The following SLIT3 variants were observed in gnomAD, a reference collection of about 807,000 sequenced individuals.
The protein encoded by SLIT3 is slit homolog 3 protein.
A neutral mutation model predicts 184.0 loss-of-function variants in SLIT3; 68 were observed. That is an observed-to-expected ratio of 0.37 (90% CI 0.30 to 0.45). The LOEUF is 0.45. Ranked by LOEUF, SLIT3 falls within the 20% of genes least tolerant of loss-of-function variation. SLIT3 has a pLI of 1.00. For missense variants in SLIT3, 1,707 were observed against 2,026.0 expected (o/e 0.84, Z 3.02); for synonymous variants, 831 against 828.6 (o/e 1.00, Z -0.05).
chr5:168,748,470 A>G, intron 19 of SLIT3, 36 bp from the exon 20 acceptor site: 1 of 1,501,394 alleles, frequency 6.7e-7, no homozygotes, highest in South Asian at 1.4e-5. Context: ...GGGTTGTGGG[A>G]GATAAGCCCC....
intron 4 of SLIT3, among the ~76,000 whole-genome samples, chr5:169,162,488 T>TG (rs1198609233): frequency 6.6e-6 from 1 of 152,226 alleles, no homozygotes; most frequent in East Asian, 1.9e-4. Flanking sequence ...GTCTTTGGAG[T>TG]GAAAAGTGCT....
intron 3 of SLIT3, among the ~76,000 whole-genome samples, chr5:169,204,680 C>T (rs975610290): frequency 3.3e-5 from 5 of 152,008 alleles, no homozygotes; most frequent in African/African-American, 9.7e-5. Context: ...AGTCAGGGGA[C>T]GGGGGGTGGC....
intron 6 of SLIT3, among the ~76,000 whole-genome samples, chr5:168,829,242 T>C (rs889399124): frequency 2.6e-5 from 4 of 152,260 alleles, no homozygotes; most frequent in Non-Finnish European, 4.4e-5. Flanking sequence ...CTGGTTGTAA[T>C]CTGCGTGTTG....
chr5:168,796,501 C>T (rs1393556703), intron 9 of SLIT3, among the ~76,000 whole-genome samples: 1 of 152,196 alleles, frequency 6.6e-6, no homozygotes, highest in Non-Finnish European at 1.5e-5. Context: ...TCTCCCTTCT[C>T]TCCGAGGTGC....
chr5:169,130,578 T>C (rs943787688), intron 4 of SLIT3, among the ~76,000 whole-genome samples: 2 of 152,226 alleles, frequency 1.3e-5, no homozygotes, highest in Non-Finnish European at 2.9e-5. Flanking sequence ...GTTCATTTAC[T>C]GCTGTATCCT....
At chr5:169,171,870 G>A (rs960512578) in intron 4 of SLIT3, among the ~76,000 whole-genome samples, 1 of 152,162 alleles carries the variant, frequency 6.6e-6, no homozygotes, top group Admixed American at 6.5e-5. Context: ...ATGCCTAAGG[G>A]GCCTACGGCT....
chr5:169,003,975 G>A (rs1755816971), intron 4 of SLIT3, among the ~76,000 whole-genome samples: 2 of 152,128 alleles, frequency 1.3e-5, no homozygotes, highest in African/African-American at 4.8e-5. Context: ...CCAGGCCCCT[G>A]CTGACTGATT....
At chr5:168,862,585 G>A (rs1759149622) in intron 5 of SLIT3, among the ~76,000 whole-genome samples, 1 of 151,800 alleles carries the variant, frequency 6.6e-6, no homozygotes, top group Admixed American at 6.5e-5. Context: ...CCATCACTCA[G>A]CCACGACCCT....
At chr5:169,076,698 T>C (rs1328170826) in intron 4 of SLIT3, among the ~76,000 whole-genome samples, 2 of 152,166 alleles carry the variant, frequency 1.3e-5, no homozygotes, top group Non-Finnish European at 2.9e-5. Context: ...TTCTAGTCCT[T>C]GAAAACTCTA....
chr5:169,173,650 G>T (rs1762883082), intron 4 of SLIT3, among the ~76,000 whole-genome samples: 1 of 152,198 alleles, frequency 6.6e-6, no homozygotes, highest in South Asian at 2.1e-4. Flanking sequence ...CTCCTCTGTA[G>T]CTCCCTTAGG....
chr5:168,672,943 G>C (rs1469926085), intron 33 of SLIT3, among the ~76,000 whole-genome samples: 1 of 152,172 alleles, frequency 6.6e-6, no homozygotes, highest in African/African-American at 2.4e-5. Context: ...TCTCACCCTT[G>C]CCCGTCACAA....
chr5:169,019,370 C>A (rs1339749846), intron 4 of SLIT3, among the ~76,000 whole-genome samples: 1 of 152,198 alleles, frequency 6.6e-6, no homozygotes, highest in Admixed American at 6.5e-5. Context: ...CACCACAGCA[C>A]AAGTTGCTAG....
At chr5:168,985,268 T>C (rs1273527294) in intron 4 of SLIT3, among the ~76,000 whole-genome samples, 1 of 152,200 alleles carries the variant, frequency 6.6e-6, no homozygotes, top group Non-Finnish European at 1.5e-5. Context: ...CCTTGTACCA[T>C]CTGAACTGAG....
At chr5:168,802,527 G>A (rs555108926) in intron 9 of SLIT3, among the ~76,000 whole-genome samples, 9 of 152,288 alleles carry the variant, frequency 5.9e-5, no homozygotes, top group African/African-American at 1.4e-4. Context: ...TGCCCAATAC[G>A]CAGGGGCAGT....
chr5:168,905,525 A>C (rs1156905342), intron 4 of SLIT3, among the ~76,000 whole-genome samples: 1 of 152,252 alleles, frequency 6.6e-6, no homozygotes, highest in Non-Finnish European at 1.5e-5. Context: ...AAATATGAGG[A>C]GTCATGGTTC....
At chr5:169,200,931 AG>A (rs1763888642) in intron 3 of SLIT3, among the ~76,000 whole-genome samples, 1 of 152,248 alleles carries the variant, frequency 6.6e-6, no homozygotes, top group Non-Finnish European at 1.5e-5. Context: ...TATGTGGGGC[AG>A]GAAAGTCTAA....
intron 4 of SLIT3, among the ~76,000 whole-genome samples, chr5:169,000,024 A>G (rs536579705): frequency 4.6e-5 from 7 of 152,298 alleles, no homozygotes; most frequent in Non-Finnish European, 7.4e-5. Flanking sequence ...AATGCCTATC[A>G]CTTGCTAAAA....
At chr5:169,124,381 A>G (rs188974109) in intron 4 of SLIT3, among the ~76,000 whole-genome samples, 134 of 152,340 alleles carry the variant, frequency 8.8e-4, no homozygotes, top group African/African-American at 3.1e-3. Flanking sequence ...ATCCAGTATC[A>G]CTGTGTGGAC....
intron 5 of SLIT3, among the ~76,000 whole-genome samples, chr5:168,879,441 C>G (rs1759870408): frequency 6.6e-6 from 1 of 152,142 alleles, no homozygotes; most frequent in African/African-American, 2.4e-5. Context: ...TTAATTTGTG[C>G]TAAATGTCTC....
Sources: allele counts gnomAD v4.1 joint callset (sites outside exome capture counted in the v4.1 genomes callset), GRCh38; gene constraint gnomAD v4.1.1; transcripts MANE v1.5; gene names NCBI Gene and HGNC (gene_info 2026-07-23, HGNC 2026-07-21).